TRAF2: variants seen among roughly 807,000 people sequenced by gnomAD.
TRAF2 encodes the protein TNF receptor-associated factor 2.
A neutral mutation model predicts 55.6 loss-of-function variants in TRAF2; 6 were observed. The ratio of observed to expected loss-of-function variants is 0.11; its 90% CI spans 0.06 to 0.21. The LOEUF is 0.21. Ranked by LOEUF, TRAF2 falls within the 10% of genes least tolerant of loss-of-function variation. The probability of loss-of-function intolerance (pLI) is 1.00; values close to 1 mark genes in which losing one functional copy is unlikely to be tolerated. For synonymous variants in TRAF2, 329 were observed against 276.3 expected (o/e 1.19, Z -1.89); for missense variants, 561 against 684.5 (o/e 0.82, Z 2.01).
intron 9 of TRAF2, among the ~76,000 whole-genome samples, chr9:136,923,610 CAAAAA>C (rs55666712): frequency 1.9e-4 from 13 of 67,742 alleles, no homozygotes; most frequent in African/African-American, 6.2e-4. Flanking sequence ...GACTCCATCT[CAAAAA>C]AAAAAAAAAA....
At position 136,898,342 on chromosome 9, in the gene TRAF2, T is replaced by TA. The variant is rs201132122; in HGVS notation, c.-28-370dup. 3.9e-3 allele frequency among the ~76,000 whole-genome samples: 597 copies of TA among 152,338 alleles called. 4 individuals are homozygous for TA. Among genetic ancestry groups the TA allele is most frequent in the African/African-American group, 0.014 (572 of 41,576 alleles). ...GAACCATGGGGGAGACCAAAGGGCCTAGAGCCTTGAGAACCTCTGACCATT... is the reference window on the plus strand; with the variant it reads ...GAACCATGGGGGAGACCAAAGGGCCTAAGAGCCTTGAGAACCTCTGACCATT... On this transcript the variant is annotated intron_variant, in intron 1 of 10. Coordinates refer to ENST00000247668, the MANE Select transcript of TRAF2 (RefSeq NM_021138.4).
intron 7 of TRAF2, among the ~76,000 whole-genome samples, chr9:136,918,796 C>T (rs901550502): frequency 1.3e-4 from 20 of 152,080 alleles, no homozygotes; most frequent in Non-Finnish European, 1.9e-4. Flanking sequence ...AGTGCAGTGG[C>T]GCCATCTCGG....
At chr9:136,894,915 C>T (rs77754820) in intron 1 of TRAF2, among the ~76,000 whole-genome samples, 2 of 152,184 alleles carry the variant, frequency 1.3e-5, no homozygotes, top group Non-Finnish European at 2.9e-5. Flanking sequence ...GACTTCCAAC[C>T]TGTAGTGTGC....
chr9:136,921,776 G>C (rs1301825947), intron 9 of TRAF2, among the ~76,000 whole-genome samples: 2 of 152,092 alleles, frequency 1.3e-5, no homozygotes, highest in East Asian at 3.9e-4. Context: ...CTGCTGGAGA[G>C]GGGGTGGGGT....
In TRAF2 at chr9:136,899,397, C is replaced by T. The variant is rs141451934; in HGVS notation, c.189-197C>T. 4.2e-3 allele frequency among the ~76,000 whole-genome samples: 647 copies of T among 152,276 alleles called. 4 individuals carry two copies. The highest frequency in any genetic ancestry group is 0.015 in the African/African-American group (621 of 41,544). ...GGTTCAGGCGTGCCTTCCTCACAAA[C>T]GGAGTGATAAAAACAGTGTGCTGTG... On this transcript the variant is annotated intron_variant, in intron 2 of 10. Coordinates refer to ENST00000247668, the MANE Select transcript of TRAF2 (RefSeq NM_021138.4).
At chr9:136,882,457 C>T (rs1305823330), upstream of TRAF2, among the ~76,000 whole-genome samples, 4 of 152,238 alleles carry the variant, frequency 2.6e-5, no homozygotes, top group African/African-American at 7.2e-5. Flanking sequence ...TCCAGGGACA[C>T]TGGCACCCTC....
At position 136,891,621 on chromosome 9, in the gene TRAF2, G is replaced by T. The variant is rs953588822; in HGVS notation, c.-29+5080G>T. ...CACCTCTGTCTCCACCTTCAAGAGCGCATTTAGGAGGAATGTCGATATGAA... is the reference window on the plus strand; with the variant it reads ...CACCTCTGTCTCCACCTTCAAGAGCTCATTTAGGAGGAATGTCGATATGAA... On this transcript the variant is annotated intron_variant, in intron 1 of 10. Transcript: ENST00000247668. Among the ~76,000 whole-genome samples, 6 of 152,096 alleles carry T rather than the reference G, an allele frequency of 3.9e-5. No individual in the cohort carries two copies. The South Asian group carries it at 1.2e-3, about 32-fold the overall frequency.
intron 4 of TRAF2, chr9:136,900,795 T>TG (rs1386760139): frequency 2.5e-6 from 1 of 405,326 alleles, no homozygotes; most frequent in Non-Finnish European, 4.7e-6. Context: ...TGTCTGTCGA[T>TG]GGGGGTGCAG....
chr9:136,909,397 A>G (rs775320729), intron 5 of TRAF2, among the ~76,000 whole-genome samples: 65 of 152,154 alleles, frequency 4.3e-4, no homozygotes, highest in Non-Finnish European at 8.7e-4. Flanking sequence ...TCTGGGGCCC[A>G]TGGCATCTTT....
intron 1 of TRAF2, among the ~76,000 whole-genome samples, chr9:136,892,397 G>A (rs1849598379): frequency 6.6e-6 from 1 of 152,102 alleles, no homozygotes; most frequent in Non-Finnish European, 1.5e-5. Context: ...CTGGGCGGTG[G>A]AGGTTGCAGT....
At chr9:136,913,559 A>G (rs901553620) in intron 6 of TRAF2, among the ~76,000 whole-genome samples, 2 of 151,882 alleles carry the variant, frequency 1.3e-5, no homozygotes, top group African/African-American at 4.8e-5. Flanking sequence ...GGCCTCCCAA[A>G]GTGCTGGGAT....
At chr9:136,882,166 T>A, upstream of TRAF2, 1 of 526,930 alleles carries the variant, frequency 1.9e-6, no homozygotes, top group Non-Finnish European at 2.4e-6. Context: ...AAGACCTGAG[T>A]AAAAGGACAT....
chr9:136,920,330 G>A lies in TRAF2; in HGVS notation c.775G>A (p.Gly259Arg), dbSNP rs981731336. ...SSVLEAKPLL[G>R]DQSHAGSELL... Reference sequence around the variant, plus strand: ...GGTGCTGGAGGCAAAGCCCCTCTTGGGAGACCAGAGCCACGCGGGGTCAGA... The same window carrying A: ...GGTGCTGGAGGCAAAGCCCCTCTTGAGAGACCAGAGCCACGCGGGGTCAGA... Residue 259 changes from glycine (G) to arginine (R), a missense_variant, in exon 8 of 11, where the codon GGA becomes AGA. Transcript: ENST00000247668. 5 of 1,614,076 alleles carry A rather than the reference G, an allele frequency of 3.1e-6. No homozygotes were observed. Among genetic ancestry groups the A allele is most frequent in the Non-Finnish European group, 4.2e-6 (5 of 1,180,042 alleles).
Position 136,899,010 on chromosome 9 carries a change from C to T in TRAF2, c.188+82C>T, listed in dbSNP as rs1849752326. On this transcript the variant is annotated intron_variant, in intron 2 of 10. Transcript: ENST00000247668. ...CCACGCTGCCCAGCCTGGTAGCTCC[C>T]AGCAGAGCCGGGTCCAGCTTAGATG... 2.4e-5 allele frequency: 34 copies of T among 1,425,318 alleles called. 1 individual carries two copies. In the South Asian group the frequency reaches 4.3e-4, roughly 18 times the overall value. 88.3% of individuals were successfully genotyped at this position (1,425,318 alleles called of 1,614,324 possible).
Position 136,921,023 on chromosome 9 carries a change from C to CT in TRAF2, c.961-13dup, listed in dbSNP as rs1564421447. ...CCCCTCCTGTAAGAGGGAAGGTGGTCTTGGCACCCGGCAGGTGCAGCAGCT... is the reference window on the plus strand; with the variant it reads ...CCCCTCCTGTAAGAGGGAAGGTGGTCTTTGGCACCCGGCAGGTGCAGCAGCT... On this transcript the variant is annotated splice_polypyrimidine_tract_variant and intron_variant, in intron 8 of 10. Transcript: ENST00000247668. The CT allele has an allele frequency of 3.1e-6, 5 of 1,613,066 alleles. No individual in the cohort carries two copies. The South Asian group carries it at 5.5e-5, about 18-fold the overall frequency.
At chr9:136,917,764 C>T (rs924302323) in intron 7 of TRAF2, among the ~76,000 whole-genome samples, 5 of 152,098 alleles carry the variant, frequency 3.3e-5, no homozygotes, top group African/African-American at 9.7e-5. Context: ...TCTTTGTCTG[C>T]GTTGGATAGT....
At chr9:136,918,247 A>ATTTATT (rs1554781749) in intron 7 of TRAF2, among the ~76,000 whole-genome samples, 6 of 46,680 alleles carry the variant, frequency 1.3e-4, no homozygotes, top group African/African-American at 8.3e-4. Context: ...ATATATATAT[A>ATTTATT]TATATATATA....
intron 6 of TRAF2, among the ~76,000 whole-genome samples, chr9:136,915,733 C>T (rs1275752264): frequency 6.6e-6 from 1 of 152,100 alleles, no homozygotes; most frequent in Non-Finnish European, 1.5e-5. Context: ...GTGGTGTGAC[C>T]GAGCCCATCT....
chr9:136,903,536 ATTTT>A (rs11422823), intron 4 of TRAF2, among the ~76,000 whole-genome samples: 1 of 148,098 alleles, frequency 6.8e-6, no homozygotes, highest in African/African-American at 2.5e-5. Context: ...ATAAATATTG[ATTTT>A]TTTTTTTTTA....
Sources: gnomAD v4.1 joint callset for allele counts (sites outside exome capture counted in the v4.1 genomes callset) on GRCh38, gnomAD v4.1.1 for gene constraint, MANE v1.5 for transcripts, NCBI Gene and HGNC (gene_info 2026-07-23, HGNC 2026-07-21) for gene names.